Variants in HECW2 observed in about 807,000 individuals in gnomAD.
HECW2 encodes the protein HECT, C2 and WW domain containing E3 ubiquitin protein ligase 2.
A neutral mutation model predicts 175.2 loss-of-function variants in HECW2; 61 were observed. The ratio of observed to expected loss-of-function variants is 0.35; its 90% CI spans 0.28 to 0.43. The LOEUF is 0.43. HECW2 is among the 20% of genes least tolerant of loss of function. The pLI is 1.00. For synonymous variants in HECW2, 671 were observed against 731.0 expected (o/e 0.92, Z 1.32); for missense variants, 1,524 against 2,000.5 (o/e 0.76, Z 4.54).
intron 1 of HECW2, among the ~76,000 whole-genome samples, chr2:196,484,154 G>A (rs1686928999): frequency 6.6e-6 from 1 of 152,168 alleles, no homozygotes; most frequent in Non-Finnish European, 1.5e-5. Context: ...GCTTCATTAA[G>A]TTGTTGGAGG....
intron 1 of HECW2, among the ~76,000 whole-genome samples, chr2:196,553,986 T>C (rs1327840867): frequency 6.6e-6 from 1 of 151,780 alleles, no homozygotes; most frequent in Admixed American, 6.6e-5. Flanking sequence ...AGCCAAGAGG[T>C]TGTTTGCCAG....
intron 2 of HECW2, among the ~76,000 whole-genome samples, chr2:196,351,857 A>C (rs1267389933): frequency 6.6e-6 from 1 of 152,170 alleles, no homozygotes; most frequent in African/African-American, 2.4e-5. Flanking sequence ...TTGAATCAAG[A>C]TTATCATTCT....
At chr2:196,540,229 T>C (rs778780030) in intron 1 of HECW2, among the ~76,000 whole-genome samples, 2 of 152,188 alleles carry the variant, frequency 1.3e-5, no homozygotes, top group African/African-American at 2.4e-5. Context: ...ATTTTTTAAA[T>C]AAACAAATAT....
chr2:196,296,468 C>T (rs57055330), intron 13 of HECW2, among the ~76,000 whole-genome samples: 4,084 of 152,230 alleles, frequency 0.027, 84 homozygotes, highest in South Asian at 0.093. Context: ...TCTATCATAC[C>T]TGTGTTATAA....
At chr2:196,472,926 G>A (rs1440312220) in intron 1 of HECW2, among the ~76,000 whole-genome samples, 1 of 152,158 alleles carries the variant, frequency 6.6e-6, no homozygotes, top group Non-Finnish European at 1.5e-5. Context: ...CAGCTGGAAG[G>A]TAACTTTTTT....
At chr2:196,203,507 G>A (rs1686947284) in intron 28 of HECW2, among the ~76,000 whole-genome samples, 1 of 152,122 alleles carries the variant, frequency 6.6e-6, no homozygotes, top group South Asian at 2.1e-4. Context: ...GCCAAACTGT[G>A]TGTGTCAGAC....
intron 1 of HECW2, among the ~76,000 whole-genome samples, chr2:196,592,006 G>A (rs992133305): frequency 6.6e-6 from 1 of 152,110 alleles, no homozygotes; most frequent in Non-Finnish European, 1.5e-5. Flanking sequence ...GAACCCTCGA[G>A]GGAATAGGAG....
intron 1 of HECW2, among the ~76,000 whole-genome samples, chr2:196,488,179 A>G (rs1442742539): frequency 6.6e-6 from 1 of 152,222 alleles, no homozygotes; most frequent in Non-Finnish European, 1.5e-5. Context: ...CAAGGTGTCT[A>G]TTATGATCCC....
intron 21 of HECW2, among the ~76,000 whole-genome samples, chr2:196,233,218 G>C (rs1479912297): frequency 6.6e-6 from 1 of 152,132 alleles, no homozygotes; most frequent in Non-Finnish European, 1.5e-5. Flanking sequence ...AAAAACTCTG[G>C]ACGACGGGTG....
At chr2:196,514,794 TTCTGCCACTCAGTGAAGCTCCTC>T (rs1208237636) in intron 1 of HECW2, among the ~76,000 whole-genome samples, 1 of 152,188 alleles carries the variant, frequency 6.6e-6, no homozygotes, top group African/African-American at 2.4e-5. Flanking sequence ...CTGAGAGCAG[TTCTGCCACTCAGTGAAGCTCCTC>T]TCTGCCTTGC....
chr2:196,201,169 C>T lies in HECW2; in HGVS notation c.*108G>A, dbSNP rs1258384321. The T allele has an allele frequency of 1.3e-6, 1 of 773,364 alleles. No individual in the cohort carries two copies. The highest frequency in any genetic ancestry group is 1.7e-5 in the African/African-American group (1 of 58,252). The allele number at this position is 773,364 out of a possible 1,614,324, so 47.9% of individuals were successfully genotyped here. On this transcript the variant is annotated 3_prime_UTR_variant, in exon 29 of 29. Transcript: ENST00000644978. ...GTTCCTGGAAAACAACAGCACATAGCTTTATCCTAAAGGAAGCATCCTCTT... is the reference window on the plus strand; with the variant it reads ...GTTCCTGGAAAACAACAGCACATAGTTTTATCCTAAAGGAAGCATCCTCTT...
intron 2 of HECW2, among the ~76,000 whole-genome samples, chr2:196,409,003 T>C (rs1695035956): frequency 6.6e-6 from 1 of 152,216 alleles, no homozygotes; most frequent in African/African-American, 2.4e-5. Flanking sequence ...TATTGTTAAC[T>C]TTTTCAGGAA....
chr2:196,572,137 G>A (rs1559181787), intron 1 of HECW2, among the ~76,000 whole-genome samples: 1 of 152,156 alleles, frequency 6.6e-6, no homozygotes, highest in African/African-American at 2.4e-5. Flanking sequence ...ACTGATGGAA[G>A]AGGGACACAG....
At chr2:196,385,146 A>G (rs1331660767) in intron 2 of HECW2, among the ~76,000 whole-genome samples, 2 of 152,090 alleles carry the variant, frequency 1.3e-5, no homozygotes, top group Non-Finnish European at 2.9e-5. Flanking sequence ...TCCTGGGCTC[A>G]AGCAATCGTC....
intron 15 of HECW2, among the ~76,000 whole-genome samples, chr2:196,275,323 AAAG>A (rs1186391439): frequency 6.6e-6 from 1 of 152,250 alleles, no homozygotes; most frequent in African/African-American, 2.4e-5. Flanking sequence ...ATATAAATAA[AAAG>A]AAGAAAACAT....
rs1686786470 is a variant in HECW2 at position 196,199,402 on chromosome 2, TTTC to T, written c.*1872_*1874del. ...ATTTCTATAACCCTTTTTCAGAACA[TTTC>T]TTCACACTGCAGTACGTGCCTTTAG... On this transcript the variant is annotated 3_prime_UTR_variant, in exon 29 of 29. Coordinates refer to ENST00000644978, the MANE Select transcript of HECW2 (RefSeq NM_001348768.2). 6.6e-6 allele frequency: 1 copy of T among 152,586 alleles called. No homozygotes were observed. The highest frequency in any genetic ancestry group is 1.9e-4 in the East Asian group (1 of 5,200). The allele number at this position is 152,586 out of a possible 1,614,324, so 9.5% of individuals were successfully genotyped here. A position where few individuals can be genotyped will look rare whatever the true frequency, so the allele number is the denominator to read the frequency against.
At chr2:196,209,053 G>A (rs1041994040) in intron 28 of HECW2, among the ~76,000 whole-genome samples, 1 of 152,196 alleles carries the variant, frequency 6.6e-6, no homozygotes, top group Admixed American at 6.5e-5. Context: ...AAAGAAATGA[G>A]CCCAAACTGG....
intron 2 of HECW2, among the ~76,000 whole-genome samples, chr2:196,413,282 G>A (rs1023345138): frequency 1.3e-5 from 2 of 152,168 alleles, no homozygotes; most frequent in African/African-American, 4.8e-5. Flanking sequence ...TTGAGCACAG[G>A]AGCGTGAGGT....
intron 2 of HECW2, among the ~76,000 whole-genome samples, chr2:196,393,373 A>C (rs1694568622): frequency 6.6e-6 from 1 of 152,234 alleles, no homozygotes; most frequent in Non-Finnish European, 1.5e-5. Flanking sequence ...CAACCTACAG[A>C]ATGGGAGAAA....
Sources: allele counts gnomAD v4.1 joint callset (sites outside exome capture counted in the v4.1 genomes callset), GRCh38; gene constraint gnomAD v4.1.1; transcripts MANE v1.5; gene names NCBI Gene and HGNC (gene_info 2026-07-23, HGNC 2026-07-21).